Variants in PRR5 observed in about 807,000 individuals in gnomAD.
PRR5 encodes the protein proline-rich protein 5.
PRR5 carries 25 observed loss-of-function variants against 30.6 expected under a neutral mutation model. That is an observed-to-expected ratio of 0.82 (90% CI 0.60 to 1.14). The LOEUF is 1.14. Among genes scored for constraint, PRR5 ranks in the 50% most tolerant of loss-of-function variants. The pLI is 0.00. For missense variants in PRR5, 600 were observed against 547.1 expected (o/e 1.10, Z -0.96); for synonymous variants, 286 against 247.1 (o/e 1.16, Z -1.48).
chr22:44,675,480 T>A (rs1348048852), upstream of PRR5, among the ~76,000 whole-genome samples: 1 of 152,132 alleles, frequency 6.6e-6, no homozygotes, highest in Non-Finnish European at 1.5e-5. Context: ...CATGCTGAGT[T>A]TTCAGCAGCT....
At chr22:44,726,707 G>C in intron 4 of PRR5, 73 bp downstream of exon 4, 5 of 1,606,570 alleles carry the variant, frequency 3.1e-6, no homozygotes, top group Admixed American at 3.4e-5. Flanking sequence ...GCTGGGCCTC[G>C]TGCTGGGGGC....
intron 1 of PRR5, among the ~76,000 whole-genome samples, chr22:44,669,881 C>T (rs5764956): frequency 1.3e-5 from 2 of 151,952 alleles, no homozygotes; most frequent in African/African-American, 4.8e-5. Context: ...GGGCGCCTCC[C>T]TGTGGCCCCT....
rs535869881 is a variant in PRR5 at position 44,705,447 on chromosome 22, T to A, written c.134+2839T>A. Among the ~76,000 whole-genome samples the A allele has an allele frequency of 7.3e-4, 109 of 150,282 alleles. 2 individuals are homozygous for A. In the South Asian group the frequency reaches 0.022, roughly 30 times the overall value. On this transcript the variant is annotated intron_variant, in intron 1 of 7. Coordinates refer to ENST00000336985, the MANE Select transcript of PRR5 (RefSeq NM_181333.4). ...CAAGCAATTCTCCTTCCTCAGCCTC[T>A]GGAGTAGCTGGGATTACAGGCGCCC...
intron 1 of PRR5, among the ~76,000 whole-genome samples, chr22:44,696,445 A>G (rs1349095835): frequency 6.6e-6 from 1 of 152,218 alleles, no homozygotes; most frequent in Non-Finnish European, 1.5e-5. Flanking sequence ...ACAGGTGGGA[A>G]GGTGGCTTGG....
chr22:44,735,732 C>T (rs743892), intron 7 of PRR5, among the ~76,000 whole-genome samples: 7,440 of 152,282 alleles, frequency 0.049, 258 homozygotes, highest in Admixed American at 0.087. Context: ...GTCTCCTCCA[C>T]GACCCACCAT....
At chr22:44,681,600 A>G (rs966311714) in intron 1 of PRR5, among the ~76,000 whole-genome samples, 3 of 152,124 alleles carry the variant, frequency 2.0e-5, no homozygotes, top group Admixed American at 6.5e-5. Flanking sequence ...AAGAAAAAAA[A>G]AAAAAAAGTC....
rs770705854 is a variant in PRR5, at chr22:44,737,090, G to T, written c.1010G>T (p.Arg337Leu). 6.2e-7 allele frequency: 1 copy of T among 1,611,520 alleles called. No homozygotes were observed. The highest frequency in any genetic ancestry group is 1.7e-5 in the Admixed American group (1 of 60,028). The change falls in exon 8 of 8, where the codon CGC becomes CTC. Residue 337 changes from arginine to leucine, a missense_variant. Coordinates refer to ENST00000336985, the MANE Select transcript of PRR5 (RefSeq NM_181333.4). ...QPPEQGLDPT[R>L]SSLPRSSPEN... ...CCTGAGCAGGGCTTGGATCCCACCC[G>T]CAGCTCCCTGCCCCGCTCCAGCCCG... is the stretch of plus-strand genomic sequence containing the variant.
At chr22:44,714,092 C>T (rs373329424) in intron 1 of PRR5, among the ~76,000 whole-genome samples, 24 of 151,420 alleles carry the variant, frequency 1.6e-4, no homozygotes, top group East Asian at 2.0e-4. Context: ...CGTGAGCCAC[C>T]GCGCCCGGCA....
chr22:44,674,493 C>T (rs767042327), upstream of PRR5, among the ~76,000 whole-genome samples: 1 of 151,870 alleles, frequency 6.6e-6, no homozygotes, highest in Admixed American at 6.6e-5. Flanking sequence ...GAGGCTGAGG[C>T]GGGCGGATCA....
chr22:44,714,507 G>T, intron 1 of PRR5, 84 bp from the exon 2 acceptor site: 1 of 1,550,918 alleles, frequency 6.4e-7, no homozygotes. Flanking sequence ...TTCTAGGAGA[G>T]AGGGAAAGAG....
intron 4 of PRR5, chr22:44,729,803 G>A (rs996920626): frequency 3.0e-5 from 30 of 985,368 alleles, no homozygotes; most frequent in Non-Finnish European, 3.4e-5. Context: ...TTTCCGCCCC[G>A]TGGGCTGGAG....
intron 1 of PRR5, among the ~76,000 whole-genome samples, chr22:44,705,795 TTG>T (rs1218796054): frequency 6.6e-6 from 1 of 152,016 alleles, no homozygotes; most frequent in Middle Eastern, 3.4e-3. Context: ...CAGCTAATTT[TTG>T]TTTTTGTTTT....
chr22:44,725,668 G>A (rs1920931649), intron 3 of PRR5, among the ~76,000 whole-genome samples: 1 of 151,822 alleles, frequency 6.6e-6, no homozygotes, highest in African/African-American at 2.4e-5. Flanking sequence ...TTTTGTTGTT[G>A]TTGTTGTTGT....
chr22:44,695,485 G>T (rs185611585), intron 1 of PRR5, among the ~76,000 whole-genome samples: 16 of 152,260 alleles, frequency 1.1e-4, no homozygotes, highest in African/African-American at 3.9e-4. Context: ...CAAGGTTGTG[G>T]TTTTTTAGAG....
chr22:44,698,080 G>A (rs550888692), upstream of PRR5, among the ~76,000 whole-genome samples: 11 of 152,298 alleles, frequency 7.2e-5, no homozygotes, highest in South Asian at 4.1e-4. Context: ...GTGTCCAGCC[G>A]GGGCTGAGCC....
chr22:44,676,390 CA>C (rs59016907), upstream of PRR5, among the ~76,000 whole-genome samples: 2,945 of 36,998 alleles, frequency 0.08, 15 homozygotes, highest in Admixed American at 0.12. Flanking sequence ...GACCCTGTCT[CA>C]AAAAAAAAAA....
upstream of PRR5, among the ~76,000 whole-genome samples, chr22:44,701,778 C>A (rs1339813591): frequency 3.9e-5 from 6 of 152,210 alleles, no homozygotes; most frequent in African/African-American, 1.4e-4. Flanking sequence ...ACCCAAAGTC[C>A]TCATGAGAAC....
chr22:44,693,453 T>C (rs1358606060), intron 1 of PRR5, among the ~76,000 whole-genome samples: 1 of 136,688 alleles, frequency 7.3e-6, no homozygotes, highest in Non-Finnish European at 1.5e-5. Context: ...AGCAAGACCC[T>C]GTCTCAAAAA....
chr22:44,737,303 C>A lies in PRR5; in HGVS notation c.*56C>A. The A allele has an allele frequency of 6.5e-7, 1 of 1,540,640 alleles. No individual in the cohort carries two copies. ...ACACGTCCCTGTGTGCGGGGGTGTC[C>A]ATGTGGCGTGTGTGTGAGTGAGACT... is the stretch of plus-strand genomic sequence containing the variant. On this transcript the variant is annotated 3_prime_UTR_variant, in exon 8 of 8. Coordinates refer to ENST00000336985, the MANE Select transcript of PRR5 (RefSeq NM_181333.4).
Sources: gnomAD v4.1 joint callset for allele counts (sites outside exome capture counted in the v4.1 genomes callset) on GRCh38, gnomAD v4.1.1 for gene constraint, MANE v1.5 for transcripts, NCBI Gene and HGNC (gene_info 2026-07-23, HGNC 2026-07-21) for gene names.